Variants in PPP2R2D observed in about 807,000 individuals in gnomAD.
PPP2R2D encodes the protein serine/threonine-protein phosphatase 2A 55 kDa regulatory subunit B delta isoform.
In PPP2R2D, 9 loss-of-function variants were observed where a neutral mutation model predicts 31.1. That is an observed-to-expected ratio of 0.29 (90% confidence interval 0.17 to 0.51). The LOEUF is 0.51. Ranked by LOEUF, PPP2R2D falls within the 20% of genes least tolerant of loss-of-function variation. PPP2R2D has a pLI of 0.98. For synonymous variants in PPP2R2D, 179 were observed against 172.6 expected, an observed-to-expected ratio of 1.04 and a Z score of -0.29; for missense variants, 391 against 465.6, an observed-to-expected ratio of 0.84 and a Z score of 1.48.
Position 131,910,129 on chromosome 10 carries a change from G to A in PPP2R2D, c.100+8799G>A, listed in dbSNP as rs930308584. On this transcript the variant is annotated intron_variant, in intron 2 of 8. Coordinates refer to ENST00000455566, the MANE Select transcript of PPP2R2D (RefSeq NM_018461.5). ...GCGATGCACCATAACTCGCCAGGTG[G>A]CAGCGTGTTTGAGTGTGCCGGCCTT... is the stretch of plus-strand genomic sequence containing the variant. Among the ~76,000 whole-genome samples the A allele has an allele frequency of 4.6e-3, 706 of 152,354 alleles. 3 individuals are homozygous for A. The highest frequency in any genetic ancestry group is 6.9e-3 in the Non-Finnish European group (468 of 68,042).
At chr10:131,911,186 A>G (rs1013749697) in intron 2 of PPP2R2D, among the ~76,000 whole-genome samples, 8 of 152,200 alleles carry the variant, frequency 5.3e-5, no homozygotes, top group African/African-American at 1.7e-4. Context: ...CAGAGCACTC[A>G]ACCTATGGGA....
At chr10:131,920,296 G>A (rs1554894050) in intron 2 of PPP2R2D, among the ~76,000 whole-genome samples, 1 of 151,292 alleles carries the variant, frequency 6.6e-6, no homozygotes, top group Non-Finnish European at 1.5e-5. Flanking sequence ...CACACAGGTG[G>A]AATGACACAG....
chr10:131,917,755 G>C lies in PPP2R2D; in HGVS notation c.100+16425G>C, dbSNP rs368480599. On this transcript the variant is annotated intron_variant, in intron 2 of 8. Transcript: ENST00000455566. ...CGTGGGTGGAATGACACAGTATAGG[G>C]ACCTCAGGCGGGTGGAATGACACAG... 5.0e-5 allele frequency among the ~76,000 whole-genome samples: 6 copies of C among 121,016 alleles called. 1 individual carries two copies. The highest frequency in any genetic ancestry group is 6.8e-5 in the Non-Finnish European group (4 of 58,576). 79.4% of individuals were successfully genotyped at this position (121,016 alleles called of 152,430 possible). A position where few individuals can be genotyped will look rare whatever the true frequency, so the allele number is the denominator to read the frequency against.
rs528835967 is a variant in PPP2R2D at position 131,936,993 on chromosome 10, G to T, written c.198+2438G>T. ...ATGGCCGGAGGCCGCGGATGGTGTT[G>T]CAGCCGCCAAGAGGGTGAAGCTGCT... On this transcript the variant is annotated intron_variant, in intron 3 of 8. Coordinates refer to ENST00000455566, the MANE Select transcript of PPP2R2D (RefSeq NM_018461.5). 9.2e-5 allele frequency among the ~76,000 whole-genome samples: 14 copies of T among 152,372 alleles called. No individual in the cohort carries two copies. In the East Asian group the frequency reaches 2.3e-3, roughly 25 times the overall value.
At chr10:131,914,787 T>C (rs530903724) in intron 2 of PPP2R2D, among the ~76,000 whole-genome samples, 1 of 152,020 alleles carries the variant, frequency 6.6e-6, no homozygotes, top group Admixed American at 6.6e-5. Context: ...ACATCGGGGG[T>C]GCCTGTGGGG....
intron 2 of PPP2R2D, among the ~76,000 whole-genome samples, chr10:131,928,904 A>G (rs111663633): frequency 1.7e-3 from 262 of 152,332 alleles, no homozygotes; most frequent in South Asian, 4.1e-3. Context: ...CTGAGAGCTG[A>G]TCTGATGCAT....
At chr10:131,932,659 AAAAAAAAAAC>A (rs1165973997) in intron 2 of PPP2R2D, among the ~76,000 whole-genome samples, 26 of 149,684 alleles carry the variant, frequency 1.7e-4, no homozygotes, top group African/African-American at 5.5e-4. Flanking sequence ...AAAAAAAAAA[AAAAAAAAAAC>A]ACACAAAAAA....
intron 3 of PPP2R2D, chr10:131,934,978 T>G: frequency 2.2e-6 from 1 of 455,338 alleles, no homozygotes. Context: ...CTGGCAGGGG[T>G]GTGAATTCTC....
chr10:131,921,968 G>T lies in PPP2R2D; in HGVS notation c.101-12490G>T, dbSNP rs569014426. ...TTCAGTCAGACAGCCTTTTGTTTTT[G>T]GATAAAGACGTTCTCATTTTTCAGC... is the stretch of plus-strand genomic sequence containing the variant. On this transcript the variant is annotated intron_variant, in intron 2 of 8. Transcript: ENST00000455566. Among the ~76,000 whole-genome samples the T allele has an allele frequency of 3.9e-5, 6 of 152,158 alleles. No homozygotes were observed. The East Asian group carries it at 9.7e-4, about 24-fold the overall frequency.
intron 2 of PPP2R2D, among the ~76,000 whole-genome samples, chr10:131,907,735 C>CTCCATA (rs1364520372): frequency 2.0e-5 from 3 of 146,522 alleles, no homozygotes; most frequent in Non-Finnish European, 4.5e-5. Context: ...CAGAGCGAGA[C>CTCCATA]TCCATATCAA....
intron 2 of PPP2R2D, among the ~76,000 whole-genome samples, chr10:131,929,874 A>G (rs1260099753): frequency 6.6e-6 from 1 of 151,930 alleles, no homozygotes; most frequent in Non-Finnish European, 1.5e-5. Context: ...ATTCCTCGTC[A>G]CCTGCCCCTC....
At chr10:131,906,061 G>C (rs1370946358) in intron 2 of PPP2R2D, among the ~76,000 whole-genome samples, 1 of 152,208 alleles carries the variant, frequency 6.6e-6, no homozygotes, top group East Asian at 1.9e-4. Flanking sequence ...AGATACCACA[G>C]AGACAGTAAG....
Sources: allele counts gnomAD v4.1 joint callset (sites outside exome capture counted in the v4.1 genomes callset), GRCh38; gene constraint gnomAD v4.1.1; transcripts MANE v1.5; gene names NCBI Gene and HGNC (gene_info 2026-07-23, HGNC 2026-07-21).